The following NFATC2 variants were observed in gnomAD, a reference collection of about 807,000 sequenced individuals.
NFATC2 encodes the protein nuclear factor of activated T-cells, cytoplasmic 2.
A neutral mutation model predicts 87.3 loss-of-function variants in NFATC2; 22 were observed. That is an observed-to-expected ratio of 0.25 (90% CI 0.18 to 0.36). The LOEUF (loss-of-function observed/expected upper bound fraction) is 0.36, where lower values mean the gene tolerates loss of function less well. Ranked by LOEUF, NFATC2 falls within the 10% of genes least tolerant of loss-of-function variation. NFATC2 has a pLI of 1.00. For missense variants in NFATC2, 1,149 were observed against 1,259.1 expected, an observed-to-expected ratio of 0.91 and a Z score of 1.32; for synonymous variants, 565 against 542.2, an observed-to-expected ratio of 1.04 and a Z score of -0.58.
At chr20:51,421,157 T>C (rs1436351226) in intron 9 of NFATC2, among the ~76,000 whole-genome samples, 1 of 150,060 alleles carries the variant, frequency 6.7e-6, no homozygotes, top group African/African-American at 2.5e-5. Flanking sequence ...AGGATGAAGG[T>C]GTAGAAGAAA....
chr20:51,485,955 C>T (rs901102335), intron 3 of NFATC2, among the ~76,000 whole-genome samples: 1 of 152,078 alleles, frequency 6.6e-6, no homozygotes, highest in Non-Finnish European at 1.5e-5. Context: ...TCTTCAGGTA[C>T]ATTTAGAATA....
chr20:51,551,666 T>A (rs1296561666), intron 1 of NFATC2, among the ~76,000 whole-genome samples: 2 of 151,200 alleles, frequency 1.3e-5, no homozygotes. Flanking sequence ...CTGGCCTTTT[T>A]AAAAAAAGCT....
At chr20:51,393,678 C>T (rs1986640745) in intron 10 of NFATC2, among the ~76,000 whole-genome samples, 1 of 152,126 alleles carries the variant, frequency 6.6e-6, no homozygotes, top group Non-Finnish European at 1.5e-5. Flanking sequence ...GTAGCGAAAG[C>T]CAAATGCCCG....
At chr20:51,424,894 G>A (rs1158867776) in intron 9 of NFATC2, among the ~76,000 whole-genome samples, 2 of 151,490 alleles carry the variant, frequency 1.3e-5, no homozygotes, top group Non-Finnish European at 2.9e-5. Flanking sequence ...GGTGGATGAC[G>A]TTGCTTCCAC....
At chr20:51,418,662 T>C (rs1251618287) in intron 9 of NFATC2, among the ~76,000 whole-genome samples, 1 of 130,736 alleles carries the variant, frequency 7.6e-6, no homozygotes, top group African/African-American at 3.5e-5. Context: ...TTGTTTGGTT[T>C]TTTTTTTTTT....
At chr20:51,402,346 C>G (rs1377132599) in intron 9 of NFATC2, among the ~76,000 whole-genome samples, 3 of 152,184 alleles carry the variant, frequency 2.0e-5, no homozygotes, top group Non-Finnish European at 4.4e-5. Context: ...CAACCACAGG[C>G]AGGAAAGCAT....
At chr20:51,504,075 T>G (rs2076136020) in intron 3 of NFATC2, among the ~76,000 whole-genome samples, 2 of 152,088 alleles carry the variant, frequency 1.3e-5, no homozygotes, top group South Asian at 4.1e-4. Flanking sequence ...CAGGCTGGAG[T>G]GCAATGGCGC....
intron 6 of NFATC2, among the ~76,000 whole-genome samples, chr20:51,442,145 G>A (rs550320370): frequency 2.2e-4 from 34 of 152,216 alleles, no homozygotes; most frequent in Middle Eastern, 3.4e-3. Flanking sequence ...TTAAAAAGCA[G>A]ATTTTGCTGG....
intron 8 of NFATC2, among the ~76,000 whole-genome samples, chr20:51,433,960 G>T (rs752423400): frequency 6.0e-4 from 91 of 152,262 alleles, no homozygotes; most frequent in Admixed American, 1.2e-3. Flanking sequence ...CCAGACAAGA[G>T]CCAAGGCCGG....
intron 3 of NFATC2, 136 bp from the exon 4 acceptor site, chr20:51,475,796 G>T: frequency 1.2e-6 from 1 of 840,392 alleles, no homozygotes; most frequent in South Asian, 1.8e-5. Flanking sequence ...ATGGAGAACT[G>T]GAAACAACCT....
chr20:51,458,893 AG>A, intron 5 of NFATC2, among the ~76,000 whole-genome samples: 1 of 152,316 alleles, frequency 6.6e-6, no homozygotes, highest in Non-Finnish European at 1.5e-5. Context: ...AGGGTAATAC[AG>A]GGCCCTGGGA....
Position 51,475,451 on chromosome 20 carries a change from C to A in NFATC2, c.1535+7G>T. 1 of 1,613,396 alleles carries A rather than the reference C, an allele frequency of 6.2e-7. No individual in the cohort carries two copies. Among genetic ancestry groups the A allele is most frequent in the Non-Finnish European group, 8.5e-7 (1 of 1,180,000 alleles). The stretch of plus-strand genomic sequence containing the variant: ...AAGACCCGCCGCCCTCAGCTCCCAG[C>A]CCTTACGTTGCCCTCATGTTGTTTT... On this transcript the variant is annotated splice_region_variant and intron_variant, in intron 4 of 10. Coordinates refer to ENST00000371564, the MANE Select transcript of NFATC2 (RefSeq NM_012340.5).
At chr20:51,478,398 T>C (rs923985615) in intron 3 of NFATC2, among the ~76,000 whole-genome samples, 2 of 152,222 alleles carry the variant, frequency 1.3e-5, no homozygotes, top group Non-Finnish European at 2.9e-5. Context: ...TGAGCCCTGA[T>C]GATGTGGAGC....
Position 51,397,107 on chromosome 20 carries a change from G to A in NFATC2, c.*44+1536C>T, listed in dbSNP as rs139738864. Among the ~76,000 whole-genome samples, 362 of 152,234 alleles carry A rather than the reference G, an allele frequency of 2.4e-3. 1 individual carries two copies. The highest frequency in any genetic ancestry group is 7.9e-3 in the African/African-American group (329 of 41,548). On this transcript the variant is annotated intron_variant, in intron 10 of 10. Transcript: ENST00000371564. Reference sequence around the variant, plus strand: ...GGGGTTTCACCATGTTGGCCAGGCTGGTCTCGAACTCCTGACCTTGCCTCG... The same window carrying A: ...GGGGTTTCACCATGTTGGCCAGGCTAGTCTCGAACTCCTGACCTTGCCTCG...
In NFATC2 at chr20:51,556,368, G is replaced by A. The variant is rs75497534; in HGVS notation, c.70+6192C>T. On this transcript the variant is annotated intron_variant, in intron 1 of 10. Transcript: ENST00000414705. ...ACCAGACACACACACACCCCAAGTC[G>A]TTCGCAACTCCATTCTCCTTTTAAC... 3.5e-3 allele frequency among the ~76,000 whole-genome samples: 533 copies of A among 152,274 alleles called. 15 individuals carry two copies. The East Asian group carries it at 0.066, about 19-fold the overall frequency.
chr20:51,454,833 G>T, intron 5 of NFATC2, 145 bp from the exon 6 acceptor site: 1 of 859,504 alleles, frequency 1.2e-6, no homozygotes, highest in Non-Finnish European at 1.8e-6. Flanking sequence ...CATCACCCCT[G>T]ACAATCAATG....
intron 1 of NFATC2, among the ~76,000 whole-genome samples, chr20:51,560,260 G>A (rs1362395914): frequency 6.6e-6 from 1 of 152,194 alleles, no homozygotes; most frequent in Non-Finnish European, 1.5e-5. Context: ...GAAAAGTGTG[G>A]CACAGAGAAG....
chr20:51,452,722 G>C (rs1412773827), intron 6 of NFATC2, among the ~76,000 whole-genome samples: 1 of 152,134 alleles, frequency 6.6e-6, no homozygotes, highest in Non-Finnish European at 1.5e-5. Context: ...AAACAATCTC[G>C]ACACTCAACC....
intron 3 of NFATC2, among the ~76,000 whole-genome samples, chr20:51,499,954 T>G (rs2076051792): frequency 6.6e-6 from 1 of 152,206 alleles, no homozygotes; most frequent in Admixed American, 6.5e-5. Context: ...TAAGTAATAC[T>G]TTTCTAACCT....
Sources: allele counts gnomAD v4.1 joint callset (sites outside exome capture counted in the v4.1 genomes callset), GRCh38; gene constraint gnomAD v4.1.1; transcripts MANE v1.5; gene names NCBI Gene and HGNC (gene_info 2026-07-23, HGNC 2026-07-21).